The following CSNK1E variants were observed in gnomAD, a reference collection of about 807,000 sequenced individuals.
The protein encoded by CSNK1E is casein kinase I isoform epsilon.
In CSNK1E, 17 loss-of-function variants were observed where a neutral mutation model predicts 46.1. The observed-to-expected ratio is 0.37, with a 90% confidence interval of 0.25 to 0.55. The LOEUF is 0.55. CSNK1E is among the 20% of genes least tolerant of loss of function. CSNK1E has a pLI of 0.82. For missense variants in CSNK1E, 386 were observed against 595.4 expected, an observed-to-expected ratio of 0.65 and a Z score of 3.66; for synonymous variants, 241 against 242.6, an observed-to-expected ratio of 0.99 and a Z score of 0.06.
chr22:38,296,753 C>A, intron 7 of CSNK1E: 1 of 1,554,130 alleles, frequency 6.4e-7, no homozygotes, highest in Non-Finnish European at 8.7e-7. Flanking sequence ...GAACCTAGAG[C>A]AGTGATGTCC....
At position 38,297,937 on chromosome 22, in the gene CSNK1E, GCTCCTCCAC is replaced by G. The variant is rs1210115921; in HGVS notation, c.885+840_885+848del. On this transcript the variant is annotated intron_variant, in intron 7 of 10. Transcript: ENST00000396832. ...ACAGGCCAGTAGTTTTGGGGGGACA[GCTCCTCCAC>G]CTCCTCCACCGGCCTATCTGGGGGG... 4.3e-5 allele frequency: 48 copies of G among 1,115,598 alleles called. No individual in the cohort carries two copies. The South Asian group carries it at 7.8e-4, about 18-fold the overall frequency. The allele number at this position is 1,115,598 out of a possible 1,614,324, so 69.1% of individuals were successfully genotyped here. A position where few individuals can be genotyped will look rare whatever the true frequency, so the allele number is the denominator to read the frequency against.
chr22:38,295,371 C>G (rs561764482), intron 7 of CSNK1E: 26 of 978,836 alleles, frequency 2.7e-5, no homozygotes, highest in African/African-American at 3.5e-5. Flanking sequence ...GTGGGGGCAG[C>G]GCCCGACTGC....
intron 10 of CSNK1E, chr22:38,292,490 A>ATCCT (rs2092616501): frequency 6.6e-6 from 1 of 152,196 alleles, no homozygotes; most frequent in Non-Finnish European, 1.5e-5. Flanking sequence ...TGGGCCTGAG[A>ATCCT]TCCGAGGAAG....
intron 2 of CSNK1E, among the ~76,000 whole-genome samples, chr22:38,310,202 T>C (rs2092714980): frequency 6.6e-6 from 1 of 152,176 alleles, no homozygotes; most frequent in African/African-American, 2.4e-5. Flanking sequence ...TGCGAAGGCC[T>C]AGAAGCTAGA....
Position 38,294,022 on chromosome 22 carries a change from G to C in CSNK1E, c.1218+87C>G. ...AAGGCAAGCAGCGTCGATGGAAAGG[G>C]AAGAACAGAGCCACGGCCTGACCTC... is the stretch of plus-strand genomic sequence containing the variant. On this transcript the variant is annotated intron_variant, in intron 9 of 10. Coordinates refer to ENST00000396832, the MANE Select transcript of CSNK1E (RefSeq NM_152221.3). The surrounding 1 kb of genome is among the most constrained non-coding windows in gnomAD (Gnocchi z 5.5). The C allele has an allele frequency of 1.4e-6, 2 of 1,475,402 alleles. No homozygotes were observed. The highest frequency in any genetic ancestry group is 1.8e-6 in the Non-Finnish European group (2 of 1,094,760). The allele number at this position is 1,475,402 out of a possible 1,614,324, so 91.4% of individuals were successfully genotyped here. A position where few individuals can be genotyped will look rare whatever the true frequency, so the allele number is the denominator to read the frequency against.
At chr22:38,297,152 C>T in intron 7 of CSNK1E, 1 of 778,876 alleles carries the variant, frequency 1.3e-6, no homozygotes, top group Non-Finnish European at 2.4e-6. Context: ...TGGACAGTGT[C>T]CGTCTAGAGA....
chr22:38,306,534 C>T (rs926887876), intron 2 of CSNK1E, among the ~76,000 whole-genome samples: 1 of 152,146 alleles, frequency 6.6e-6, no homozygotes, highest in African/African-American at 2.4e-5. Context: ...AGATCAAGAC[C>T]ATCCTGGCCA....
Position 38,298,752 on chromosome 22 carries a change from C to A in CSNK1E, c.885+34G>T, listed in dbSNP as rs775375247. On this transcript the variant is annotated intron_variant, in intron 7 of 10. Coordinates refer to ENST00000396832, the MANE Select transcript of CSNK1E (RefSeq NM_152221.3). This position sits in a 1 kb window ranked among gnomAD's most constrained non-coding sequence, Gnocchi z 4.2. ...TGAGTCAGGGCCTTCCCCATCCAGTCCCCCAAGCCCGCCTTGGCCTCCAGG... is the reference window on the plus strand; with the variant it reads ...TGAGTCAGGGCCTTCCCCATCCAGTACCCCAAGCCCGCCTTGGCCTCCAGG... The A allele has an allele frequency of 6.2e-7, 1 of 1,612,612 alleles. No homozygotes were observed. Among genetic ancestry groups the A allele is most frequent in the African/African-American group, 1.3e-5 (1 of 74,908 alleles).
chr22:38,310,468 G>A (rs1318899881), intron 2 of CSNK1E, among the ~76,000 whole-genome samples: 5 of 152,192 alleles, frequency 3.3e-5, no homozygotes, highest in South Asian at 2.1e-4. Flanking sequence ...CCACCGTCCC[G>A]GCAGCAGCAG....
chr22:38,296,115 CAG>C, intron 7 of CSNK1E: 1 of 973,492 alleles, frequency 1.0e-6, no homozygotes, highest in Non-Finnish European at 1.2e-6. Flanking sequence ...GTGAGCCCAG[CAG>C]GCTCAGGCCA....
chr22:38,301,081 C>T (rs2145836413), intron 4 of CSNK1E, 129 bp from the exon 5 acceptor site: 1 of 742,880 alleles, frequency 1.3e-6, no homozygotes, highest in Non-Finnish European at 2.3e-6. Flanking sequence ...TGAAGGATAA[C>T]TAAGGGGCAG....
In CSNK1E at chr22:38,300,158, C is replaced by T; in HGVS notation, c.566-93G>A. 8.4e-7 allele frequency: 1 copy of T among 1,196,258 alleles called. No individual in the cohort carries two copies. The highest frequency in any genetic ancestry group is 1.2e-6 in the Non-Finnish European group (1 of 852,652). 74.1% of individuals were successfully genotyped at this position (1,196,258 alleles called of 1,614,324 possible). On this transcript the variant is annotated intron_variant, in intron 5 of 10. Transcript: ENST00000396832. The surrounding 1 kb of genome is among the most constrained non-coding windows in gnomAD (Gnocchi z 4.4). ...TCATGCTCCTCACAATGCACCAGGA[C>T]CCTCCTGCCCCCACGTCGGATGTTG...
chr22:38,293,143 TCTGCCA>T (rs1569074082), intron 10 of CSNK1E, 106 bp downstream of exon 10: 9 of 865,760 alleles, frequency 1.0e-5, no homozygotes, highest in African/African-American at 3.3e-5. Context: ...CCTGGTACCA[TCTGCCA>T]CTGCCACTGC....
chr22:38,316,899 G>T (rs1047262181), intron 1 of CSNK1E: 91 of 152,156 alleles, frequency 6.0e-4, no homozygotes, highest in African/African-American at 2.1e-3. Flanking sequence ...CCCAGCGGGG[G>T]GAAGCGGAGG....
In CSNK1E at chr22:38,296,742, G is replaced by A. The variant is rs541373759; in HGVS notation, c.885+2044C>T. 5.7e-6 allele frequency: 9 copies of A among 1,582,480 alleles called. No homozygotes were observed. In the South Asian group the frequency reaches 9.3e-5, roughly 16 times the overall value. On this transcript the variant is annotated intron_variant, in intron 7 of 10. Coordinates refer to ENST00000396832, the MANE Select transcript of CSNK1E (RefSeq NM_152221.3). ...CAGTCTTGTGAGACTCCATAAGGGA[G>A]GAACCTAGAGCAGTGATGTCCACAG...
At chr22:38,306,973 C>T (rs534128508) in intron 2 of CSNK1E, among the ~76,000 whole-genome samples, 1 of 152,152 alleles carries the variant, frequency 6.6e-6, no homozygotes, top group South Asian at 2.1e-4. Flanking sequence ...CGGTTCGAGA[C>T]CAGCCTAAGC....
Position 38,298,598 on chromosome 22 carries a change from T to A in CSNK1E, c.885+188A>T. On this transcript the variant is annotated intron_variant, in intron 7 of 10. Coordinates refer to ENST00000396832, the MANE Select transcript of CSNK1E (RefSeq NM_152221.3). The surrounding 1 kb of genome is among the most constrained non-coding windows in gnomAD (Gnocchi z 4.2). Reference sequence around the variant, plus strand: ...CGCCCTGCCTGGGCCCTGCTGCCCATGGTGGCACAAGCTGTCAGCACGGAT... The same window carrying A: ...CGCCCTGCCTGGGCCCTGCTGCCCAAGGTGGCACAAGCTGTCAGCACGGAT... The A allele has an allele frequency of 1.5e-6, 1 of 656,256 alleles. No individual in the cohort carries two copies. The highest frequency in any genetic ancestry group is 1.8e-5 in the South Asian group (1 of 54,908). 40.7% of individuals were successfully genotyped at this position (656,256 alleles called of 1,614,324 possible). A position where few individuals can be genotyped will look rare whatever the true frequency, so the allele number is the denominator to read the frequency against.
At chr22:38,317,087 CAAAG>C (rs2145858759) in intron 1 of CSNK1E, 69 bp downstream of exon 1, 1 of 151,216 alleles carries the variant, frequency 6.6e-6, no homozygotes, top group African/African-American at 2.4e-5. Context: ...CCAGCAAAAA[CAAAG>C]AGGCTGAGGG....
At chr22:38,302,327 G>A (rs2092677124) in intron 4 of CSNK1E, among the ~76,000 whole-genome samples, 1 of 152,212 alleles carries the variant, frequency 6.6e-6, no homozygotes, top group Non-Finnish European at 1.5e-5. Flanking sequence ...TCAACACAGT[G>A]AGACCCCCAT....
Sources: allele counts gnomAD v4.1 joint callset (sites outside exome capture counted in the v4.1 genomes callset), GRCh38; gene constraint gnomAD v4.1.1; non-coding constraint Gnocchi (gnomAD v3.1); transcripts MANE v1.5; gene names NCBI Gene and HGNC (gene_info 2026-07-23, HGNC 2026-07-21).